The following TOMM20 variants were observed in gnomAD, a reference collection of about 807,000 sequenced individuals.
TOMM20 encodes translocase of outer mitochondrial membrane 20.
In TOMM20, 10 loss-of-function variants were observed where a neutral mutation model predicts 22.1. That is an observed-to-expected ratio of 0.45 (90% confidence interval 0.28 to 0.77). TOMM20 has a LOEUF of 0.77. TOMM20 is among the 30% of genes least tolerant of loss of function. The pLI, the probability that TOMM20 is intolerant of heterozygous loss-of-function variation, is 0.13. For synonymous variants in TOMM20, 55 were observed against 61.4 expected (o/e 0.90, Z 0.49); for missense variants, 121 against 172.2 (o/e 0.70, Z 1.66).
chr1:235,120,042 C>G (rs1660902752), intron 2 of TOMM20, 143 bp from the exon 3 acceptor site: 1 of 522,744 alleles, frequency 1.9e-6, no homozygotes, highest in African/African-American at 1.9e-5. Context: ...CTCCTGAATA[C>G]TTGTAGGAAT....
chr1:235,117,483 A>G (rs1451239108), intron 3 of TOMM20, among the ~76,000 whole-genome samples: 2 of 152,020 alleles, frequency 1.3e-5, no homozygotes, highest in African/African-American at 4.8e-5. Context: ...AACAAAAAAA[A>G]AAAAAAAGGA....
chr1:235,124,730 C>G (rs982072185), intron 1 of TOMM20, among the ~76,000 whole-genome samples: 27 of 152,136 alleles, frequency 1.8e-4, no homozygotes, highest in African/African-American at 6.3e-4. Context: ...TTAACTGATA[C>G]AGCTACCAAA....
chr1:235,116,331 A>G (rs1028058111), intron 3 of TOMM20, among the ~76,000 whole-genome samples: 1 of 150,640 alleles, frequency 6.6e-6, no homozygotes, highest in Non-Finnish European at 1.5e-5. Context: ...ACGAGGTCAA[A>G]ATATCGAGAC....
In TOMM20 at chr1:235,125,203, CTTCTTTTATTTT is replaced by C. The variant is rs762605336; in HGVS notation, c.122-2843_122-2832del. ...CTCATTTTAAACAATATAAGGCTCTCTTCTTTTATTTTTTATTTTTTTTCTTTTTGAGACGGA... is the reference window on the plus strand; with the variant it reads ...CTCATTTTAAACAATATAAGGCTCTCTTATTTTTTTTCTTTTTGAGACGGA... On this transcript the variant is annotated intron_variant, in intron 1 of 4. Coordinates refer to ENST00000366607, the MANE Select transcript of TOMM20 (RefSeq NM_014765.3). Among the ~76,000 whole-genome samples the C allele has an allele frequency of 1.7e-3, 253 of 149,042 alleles. 2 individuals are homozygous for C. Among genetic ancestry groups the C allele is most frequent in the Middle Eastern group, 3.4e-3 (1 of 294 alleles).
chr1:235,116,903 A>T (rs946582640), intron 3 of TOMM20, among the ~76,000 whole-genome samples: 1 of 152,044 alleles, frequency 6.6e-6, no homozygotes. Context: ...TGGGAGGCCA[A>T]GGCGGGCGGA....
intron 1 of TOMM20, among the ~76,000 whole-genome samples, chr1:235,126,111 A>G (rs1233461465): frequency 6.6e-6 from 1 of 151,030 alleles, no homozygotes; most frequent in East Asian, 2.0e-4. Context: ...ATATAGATAT[A>G]AATATATATA....
chr1:235,120,322 G>C (rs931154611), intron 2 of TOMM20, among the ~76,000 whole-genome samples: 1 of 149,944 alleles, frequency 6.7e-6, no homozygotes, highest in African/African-American at 2.5e-5. Context: ...ACCCAGGCTG[G>C]AGTGCAGTGG....
At chr1:235,116,444 C>A (rs569910394) in intron 3 of TOMM20, among the ~76,000 whole-genome samples, 197 of 151,980 alleles carry the variant, frequency 1.3e-3, no homozygotes, top group Non-Finnish European at 2.1e-3. Flanking sequence ...GAGGCTGAGG[C>A]AAGAGAATCG....
intron 3 of TOMM20, 59 bp from the exon 4 acceptor site, chr1:235,113,969 A>G: frequency 1.3e-6 from 2 of 1,504,900 alleles, no homozygotes; most frequent in African/African-American, 1.4e-5. Flanking sequence ...TGTCAAAATT[A>G]ACTTTACACA....
rs977607662 is a variant in TOMM20 at position 235,109,590 on chromosome 1, C to T, written c.*2474G>A. On this transcript the variant is annotated 3_prime_UTR_variant, in exon 5 of 5. Transcript: ENST00000366607. ...AAGGAACCAAACATTTACTGAGTGC[C>T]GACTATGCAAGCTCTACTAGGTTTT... 18 of 152,224 alleles carry T rather than the reference C, an allele frequency of 1.2e-4. No individual in the cohort carries two copies. Among genetic ancestry groups the T allele is most frequent in the African/African-American group, 3.4e-4 (14 of 41,532 alleles). The allele number at this position is 152,224 out of a possible 1,614,324, so 9.4% of individuals were successfully genotyped here. A position where few individuals can be genotyped will look rare whatever the true frequency, so the allele number is the denominator to read the frequency against.
At chr1:235,125,625 G>T (rs946793209) in intron 1 of TOMM20, among the ~76,000 whole-genome samples, 6 of 151,438 alleles carry the variant, frequency 4.0e-5, no homozygotes, top group African/African-American at 1.5e-4. Flanking sequence ...AAGACTAGAA[G>T]AACTCAAAAT....
chr1:235,121,859 T>G (rs865864948), intron 2 of TOMM20, among the ~76,000 whole-genome samples: 1 of 152,250 alleles, frequency 6.6e-6, no homozygotes, highest in Non-Finnish European at 1.5e-5. Context: ...TCCAGAACTA[T>G]GTACTGCAAC....
rs1167302709 is a variant in TOMM20 at position 235,128,748 on chromosome 1, G to A, written c.-33C>T. ...ACAACGCTGAGCGTGGACGGTGGCG[G>A]CAGGGACCGCGAAGGAGCGGTGGGC... On this transcript the variant is annotated 5_prime_UTR_variant, in exon 1 of 5. Coordinates refer to ENST00000366607, the MANE Select transcript of TOMM20 (RefSeq NM_014765.3). 3 of 1,612,488 alleles carry A rather than the reference G, an allele frequency of 1.9e-6. No individual in the cohort carries two copies. Among genetic ancestry groups the A allele is most frequent in the African/African-American group, 1.3e-5 (1 of 74,922 alleles).
chr1:235,115,983 G>C (rs908485591), intron 3 of TOMM20, among the ~76,000 whole-genome samples: 1 of 152,192 alleles, frequency 6.6e-6, no homozygotes, highest in African/African-American at 2.4e-5. Flanking sequence ...CAGTGCAAAT[G>C]CCAATACCCT....
intron 1 of TOMM20, among the ~76,000 whole-genome samples, chr1:235,122,833 T>C (rs1308379417): frequency 2.6e-5 from 4 of 152,198 alleles, no homozygotes; most frequent in Non-Finnish European, 5.9e-5. Context: ...AGGCATATGA[T>C]GGTTACATGA....
chr1:235,123,147 T>C (rs969039779), intron 1 of TOMM20, among the ~76,000 whole-genome samples: 6 of 152,188 alleles, frequency 3.9e-5, no homozygotes, highest in African/African-American at 1.4e-4. Context: ...AAATGTCCTC[T>C]GAAAACCTTA....
rs575586602 is a variant in TOMM20, at chr1:235,124,303, C to T, written c.122-1931G>A. Among the ~76,000 whole-genome samples, 5 of 152,346 alleles carry T rather than the reference C, an allele frequency of 3.3e-5. No homozygotes were observed. The East Asian group carries it at 9.6e-4, about 29-fold the overall frequency. ...TTGAGGTTGCAGTAAGCTGAGATAG[C>T]GCCACTGCGCTCCAGCCTGGGCCAC... On this transcript the variant is annotated intron_variant, in intron 1 of 4. Coordinates refer to ENST00000366607, the MANE Select transcript of TOMM20 (RefSeq NM_014765.3).
At chr1:235,117,272 A>G (rs1275919754) in intron 3 of TOMM20, among the ~76,000 whole-genome samples, 2 of 150,438 alleles carry the variant, frequency 1.3e-5, no homozygotes, top group Non-Finnish European at 1.5e-5. Flanking sequence ...CCTGACCAAC[A>G]TGGTGAAACC....
rs1660744019 is a variant in TOMM20 at position 235,111,899 on chromosome 1, T to C, written c.*165A>G. 7.7e-6 allele frequency: 5 copies of C among 650,988 alleles called. No individual in the cohort carries two copies. Among genetic ancestry groups the C allele is most frequent in the Non-Finnish European group, 1.1e-5 (4 of 369,204 alleles). 40.3% of individuals were successfully genotyped at this position (650,988 alleles called of 1,614,324 possible). A position where few individuals can be genotyped will look rare whatever the true frequency, so the allele number is the denominator to read the frequency against. ...AAAATACACTTTTCACTGGGAAAAA[T>C]AAATAAAATAGACAAATGGATCTAC... On this transcript the variant is annotated 3_prime_UTR_variant, in exon 5 of 5. Transcript: ENST00000366607.
Sources: allele counts gnomAD v4.1 joint callset (sites outside exome capture counted in the v4.1 genomes callset), GRCh38; gene constraint gnomAD v4.1.1; transcripts MANE v1.5; gene names NCBI Gene and HGNC (gene_info 2026-07-23, HGNC 2026-07-21).